COPG1: variants seen among roughly 807,000 people sequenced by gnomAD.
The protein encoded by COPG1 is coat protein complex I subunit gamma 1.
A neutral mutation model predicts 102.8 loss-of-function variants in COPG1; 29 were observed. The observed-to-expected ratio is 0.28, with a 90% CI of 0.21 to 0.38. The LOEUF (loss-of-function observed/expected upper bound fraction) is 0.38, where lower values mean the gene tolerates loss of function less well. Among genes scored for constraint, COPG1 ranks in the 10% least tolerant of loss-of-function variants. The pLI, the probability that COPG1 is intolerant of heterozygous loss-of-function variation, is 1.00. For synonymous variants in COPG1, 406 were observed against 421.6 expected, an observed-to-expected ratio of 0.96 and a Z score of 0.45; for missense variants, 875 against 1,132.7, an observed-to-expected ratio of 0.77 and a Z score of 3.27.
In COPG1 at chr3:129,254,971, C is replaced by A. The variant is rs551814432; in HGVS notation, c.400-14C>A. On this transcript the variant is annotated splice_polypyrimidine_tract_variant and intron_variant, in intron 6 of 23. Coordinates refer to ENST00000314797, the MANE Select transcript of COPG1 (RefSeq NM_016128.4). ...TGACTGGATCTCCTTCCACCCTGCTCCTTTTGCCCACAGAGCACCATGCTG... is the reference window on the plus strand; with the variant it reads ...TGACTGGATCTCCTTCCACCCTGCTACTTTTGCCCACAGAGCACCATGCTG... 11 of 1,611,218 alleles carry A rather than the reference C, an allele frequency of 6.8e-6. No individual in the cohort carries two copies. The South Asian group carries it at 1.2e-4, about 18-fold the overall frequency.
chr3:129,263,337 T>C (rs1939982724), intron 12 of COPG1, among the ~76,000 whole-genome samples: 2 of 151,802 alleles, frequency 1.3e-5, no homozygotes, highest in African/African-American at 2.4e-5. Flanking sequence ...GTTGCAGACA[T>C]GTGGAGTTTG....
Position 129,275,075 on chromosome 3 carries a change from A to G in COPG1, c.2395+99A>G, listed in dbSNP as rs1940240506. The G allele has an allele frequency of 6.6e-7, 1 of 1,511,282 alleles. No individual in the cohort carries two copies. Among genetic ancestry groups the G allele is most frequent in the African/African-American group, 1.4e-5 (1 of 72,906 alleles). The allele number at this position is 1,511,282 out of a possible 1,614,324, so 93.6% of individuals were successfully genotyped here. On this transcript the variant is annotated intron_variant, in intron 22 of 23. Transcript: ENST00000314797. The surrounding 1 kb of genome is among the most constrained non-coding windows in gnomAD (Gnocchi z 5.0). Reference sequence around the variant, plus strand: ...CTTTTCTCTCCAAGGATCCAGGGCCATGTCTGGAGCACATATGTCAAATGC... The same window carrying G: ...CTTTTCTCTCCAAGGATCCAGGGCCGTGTCTGGAGCACATATGTCAAATGC...
chr3:129,263,884 T>C lies in COPG1; in HGVS notation c.1129-20T>C, dbSNP rs768270275. 15 of 1,610,026 alleles carry C rather than the reference T, an allele frequency of 9.3e-6. No individual in the cohort carries two copies. The highest frequency in any genetic ancestry group is 1.2e-5 in the Non-Finnish European group (14 of 1,176,234). ...TCTTGGTGGCAGGGCCTGCTGCTCA[T>C]GCACGTCTATTTCATTTAGGTGGTG... On this transcript the variant is annotated intron_variant, in intron 12 of 23. Coordinates refer to ENST00000314797, the MANE Select transcript of COPG1 (RefSeq NM_016128.4).
chr3:129,249,798 C>G (rs1939653627), intron 1 of COPG1, 52 bp downstream of exon 1: 1 of 1,539,716 alleles, frequency 6.5e-7, no homozygotes, highest in Non-Finnish European at 8.8e-7. Flanking sequence ...ACCCGCCGAG[C>G]TTTCCTTCTG....
intron 16 of COPG1, 141 bp from the exon 17 acceptor site, chr3:129,268,354 C>T (rs1388914940): frequency 5.1e-6 from 4 of 790,802 alleles, no homozygotes; most frequent in Non-Finnish European, 7.9e-6. Flanking sequence ...TCTGAGAATG[C>T]AGAGGCTTAG....
rs553960844 is a variant in COPG1, at chr3:129,252,580, G to C, written c.172-43G>C. On this transcript the variant is annotated intron_variant, in intron 3 of 23. Coordinates refer to ENST00000314797, the MANE Select transcript of COPG1 (RefSeq NM_016128.4). The stretch of plus-strand genomic sequence containing the variant: ...GCTGATCCTGAAAGAACTGCTGTCT[G>C]ACCCTCTGTCCCAAGCTGAGACTTC... The C allele has an allele frequency of 2.2e-5, 34 of 1,529,346 alleles. No homozygotes were observed. The East Asian group carries it at 7.4e-4, about 33-fold the overall frequency. The allele number at this position is 1,529,346 out of a possible 1,614,324, so 94.7% of individuals were successfully genotyped here.
chr3:129,267,897 G>C (rs1203998519), intron 15 of COPG1, 40 bp from the exon 16 acceptor site: 1 of 1,529,882 alleles, frequency 6.5e-7, no homozygotes, highest in Non-Finnish European at 9.1e-7. Context: ...TGCCATCCCT[G>C]CTGGGTCCCA....
intron 4 of COPG1, 32 bp downstream of exon 4, chr3:129,252,726 G>A (rs774658725): frequency 6.3e-6 from 10 of 1,599,828 alleles, no homozygotes; most frequent in Non-Finnish European, 8.6e-6. Flanking sequence ...TCCTTGAGAG[G>A]TGGCAGCTGT....
rs1214725216 is a variant in COPG1 at position 129,252,616 on chromosome 3, AAC to A, written c.172-3_172-2del. The A allele has an allele frequency of 6.2e-7, 1 of 1,612,956 alleles. No individual in the cohort carries two copies. The highest frequency in any genetic ancestry group is 8.5e-7 in the Non-Finnish European group (1 of 1,178,938). ...CCAAGCTGAGACTTCTTTCTTGATT[AAC>A]ACAGGGGGAGCACCTGGGGACCACG... On this transcript the variant is annotated splice_polypyrimidine_tract_variant and splice_region_variant and intron_variant, in intron 3 of 23. Coordinates refer to ENST00000314797, the MANE Select transcript of COPG1 (RefSeq NM_016128.4).
chr3:129,260,706 C>T lies in COPG1; in HGVS notation c.1027C>T (p.Leu343=). The T allele has an allele frequency of 6.2e-7, 1 of 1,613,902 alleles. No individual in the cohort carries two copies. ...VTDSNRSIAT[L]AITTLLKTGS... is the part of the protein sequence containing the mutation. Reference sequence around the variant, plus strand: ...AGATTCAAACCGCAGCATTGCCACGCTGGCCATCACCACCCTCCTTAAGAC... The same window carrying T: ...AGATTCAAACCGCAGCATTGCCACGTTGGCCATCACCACCCTCCTTAAGAC... Residue 343 remains leucine (L), a synonymous_variant, in exon 12 of 24, where the codon CTG becomes TTG. Coordinates refer to ENST00000314797, the MANE Select transcript of COPG1 (RefSeq NM_016128.4).
At chr3:129,267,725 A>G (rs145284993) in intron 15 of COPG1, among the ~76,000 whole-genome samples, 42 of 152,336 alleles carry the variant, frequency 2.8e-4, no homozygotes, top group African/African-American at 9.9e-4. Flanking sequence ...TGATGGAACC[A>G]TCACCACAAC....
At chr3:129,272,985 A>T (rs1055992435) in intron 21 of COPG1, 81 bp downstream of exon 21, 3 of 692,580 alleles carry the variant, frequency 4.3e-6, no homozygotes, top group Non-Finnish European at 7.4e-6. Flanking sequence ...GTGAGACTGG[A>T]GCTGTTTTTG....
intron 5 of COPG1, 98 bp downstream of exon 5, chr3:129,253,053 C>T (rs146665185): frequency 2.9e-5 from 30 of 1,041,394 alleles, no homozygotes; most frequent in South Asian, 2.8e-4. Context: ...TTGCATATTG[C>T]CAGCTGCCCA....
At chr3:129,255,156 AAAAAG>A in intron 7 of COPG1, 79 bp downstream of exon 7, 1 of 905,956 alleles carries the variant, frequency 1.1e-6, no homozygotes, top group Non-Finnish European at 1.8e-6. Context: ...TCCAGTAGGA[AAAAAG>A]AAAGTGTTTC....
chr3:129,257,002 C>T (rs1939823103), intron 8 of COPG1, among the ~76,000 whole-genome samples: 1 of 152,242 alleles, frequency 6.6e-6, no homozygotes, highest in Non-Finnish European at 1.5e-5. Context: ...AGTCTTTGGG[C>T]AAGTCAGCAA....
intron 12 of COPG1, among the ~76,000 whole-genome samples, chr3:129,261,041 G>A (rs547565635): frequency 6.6e-6 from 1 of 152,214 alleles, no homozygotes; most frequent in African/African-American, 2.4e-5. Flanking sequence ...GTAGTTTCCA[G>A]GCCAGTTAAG....
At chr3:129,272,015 G>A (rs1447096807) in intron 19 of COPG1, 106 bp downstream of exon 19, 4 of 1,313,490 alleles carry the variant, frequency 3.0e-6, no homozygotes, top group Non-Finnish European at 4.2e-6. Flanking sequence ...TTGGTTGGGA[G>A]CCCAACTTGA....
intron 18 of COPG1, among the ~76,000 whole-genome samples, chr3:129,270,621 T>C (rs1940165157): frequency 1.3e-5 from 2 of 152,192 alleles, no homozygotes; most frequent in South Asian, 4.1e-4. Context: ...TGCCTGCATA[T>C]TCATTAGATT....
At chr3:129,260,304 C>T in intron 10 of COPG1, 29 bp from the exon 11 acceptor site, 1 of 1,610,242 alleles carries the variant, frequency 6.2e-7, no homozygotes, top group Non-Finnish European at 8.5e-7. Flanking sequence ...GTGAAGGCAA[C>T]CTGACATGTG....
Sources: gnomAD v4.1 joint callset for allele counts (sites outside exome capture counted in the v4.1 genomes callset) on GRCh38, gnomAD v4.1.1 for gene constraint, Gnocchi (gnomAD v3.1) non-coding constraint, MANE v1.5 for transcripts, NCBI Gene and HGNC (gene_info 2026-07-23, HGNC 2026-07-21) for gene names.